GRM8: variants seen among roughly 807,000 people sequenced by gnomAD.
GRM8 encodes the protein metabotropic glutamate receptor 8.
In GRM8, 47 loss-of-function variants were observed where a neutral mutation model predicts 87.2. The ratio of observed to expected loss-of-function variants is 0.54; its 90% CI spans 0.43 to 0.69. The LOEUF (loss-of-function observed/expected upper bound fraction) is 0.69, where lower values mean the gene tolerates loss of function less well. Ranked by LOEUF, GRM8 falls within the 30% of genes least tolerant of loss-of-function variation. The probability of loss-of-function intolerance (pLI) is 0.00; values close to 1 mark genes in which losing one functional copy is unlikely to be tolerated. For missense variants in GRM8, 1,019 were observed against 1,139.2 expected (o/e 0.89, Z 1.52); for synonymous variants, 396 against 404.5 (o/e 0.98, Z 0.25).
chr7:127,129,450 C>G (rs991485325), intron 2 of GRM8, among the ~76,000 whole-genome samples: 1 of 152,150 alleles, frequency 6.6e-6, no homozygotes, highest in Admixed American at 6.6e-5. Context: ...TTATTATATA[C>G]TGAAAATATA....
At chr7:126,635,914 A>T (rs1490689348) in intron 7 of GRM8, among the ~76,000 whole-genome samples, 1 of 152,086 alleles carries the variant, frequency 6.6e-6, no homozygotes, top group East Asian at 1.9e-4. Context: ...AAGCATTTAC[A>T]CATCATAAAT....
intron 6 of GRM8, among the ~76,000 whole-genome samples, chr7:126,832,701 C>T (rs1341258109): frequency 6.6e-6 from 1 of 152,134 alleles, no homozygotes; most frequent in African/African-American, 2.4e-5. Flanking sequence ...ACATGACTAT[C>T]CTTCTCAACA....
Position 126,722,751 on chromosome 7 carries a change from C to T in GRM8, c.1357+47114G>A, listed in dbSNP as rs117530903. Among the ~76,000 whole-genome samples the T allele has an allele frequency of 7.4e-3, 1,127 of 151,792 alleles. 8 individuals carry two copies. Among genetic ancestry groups the T allele is most frequent in the Non-Finnish European group, 0.013 (867 of 67,950 alleles). ...ACGTATCACAATAATAATTGTGGGT[C>T]ATTTCTATCACAGCACTGTCACATT... On this transcript the variant is annotated intron_variant, in intron 7 of 10. Transcript: ENST00000339582.
At chr7:126,737,527 T>C (rs1814372460) in intron 7 of GRM8, among the ~76,000 whole-genome samples, 1 of 151,870 alleles carries the variant, frequency 6.6e-6, no homozygotes, top group Non-Finnish European at 1.5e-5. Flanking sequence ...CTATCGTAAT[T>C]CCCCCGTCTT....
intron 8 of GRM8, among the ~76,000 whole-genome samples, chr7:126,581,467 C>T (rs1394693506): frequency 6.6e-6 from 1 of 152,058 alleles, no homozygotes; most frequent in African/African-American, 2.4e-5. Flanking sequence ...GTGAGAAGAA[C>T]TCTCAGGAGT....
At chr7:126,556,878 T>C (rs886973050) in intron 8 of GRM8, among the ~76,000 whole-genome samples, 3 of 152,196 alleles carry the variant, frequency 2.0e-5, no homozygotes, top group African/African-American at 7.2e-5. Context: ...CAGATATAAA[T>C]GAAAGACTTA....
chr7:127,227,158 G>A (rs1033983606), intron 2 of GRM8, among the ~76,000 whole-genome samples: 3 of 152,186 alleles, frequency 2.0e-5, no homozygotes, highest in African/African-American at 7.2e-5. Flanking sequence ...TGTAGTGATG[G>A]GAGAAAACTC....
In GRM8 at chr7:126,687,174, C is replaced by T. The variant is rs140684324; in HGVS notation, c.1358-77676G>A. ...CTCCCCACCACACATGTATGTGCCC[C>T]GCTATACCAGCTCCCAACCACAAAT... On this transcript the variant is annotated intron_variant, in intron 7 of 10. Coordinates refer to ENST00000339582, the MANE Select transcript of GRM8 (RefSeq NM_000845.3). Among the ~76,000 whole-genome samples, 689 of 152,322 alleles carry T rather than the reference C, an allele frequency of 4.5e-3. 3 individuals carry two copies. The highest frequency in any genetic ancestry group is 0.031 in the Middle Eastern group (9 of 294).
intron 8 of GRM8, among the ~76,000 whole-genome samples, chr7:126,571,544 A>G (rs1222797355): frequency 6.6e-6 from 1 of 152,120 alleles, no homozygotes; most frequent in African/African-American, 2.4e-5. Context: ...GGGAATAGTA[A>G]GATTTCTAGT....
chr7:126,614,174 C>T (rs374056052), intron 7 of GRM8, among the ~76,000 whole-genome samples: 33 of 152,232 alleles, frequency 2.2e-4, no homozygotes, highest in East Asian at 1.4e-3. Flanking sequence ...CCTTCTGAGA[C>T]GAAACTTCCA....
At chr7:126,569,126 C>T (rs1794483516) in intron 8 of GRM8, among the ~76,000 whole-genome samples, 2 of 152,092 alleles carry the variant, frequency 1.3e-5, no homozygotes, top group Admixed American at 1.3e-4. Flanking sequence ...CAAAGTTTAG[C>T]TGCTCCAATG....
chr7:126,603,698 C>G (rs535781189), intron 8 of GRM8, among the ~76,000 whole-genome samples: 92 of 152,002 alleles, frequency 6.1e-4, no homozygotes, highest in Non-Finnish European at 1.0e-3. Flanking sequence ...TCATATAATA[C>G]TTATTTCATA....
At chr7:126,838,969 G>A (rs187078825) in intron 6 of GRM8, among the ~76,000 whole-genome samples, 10 of 152,256 alleles carry the variant, frequency 6.6e-5, no homozygotes, top group Admixed American at 4.6e-4. Flanking sequence ...TCTGAAGAAC[G>A]GCATTTGGTA....
intron 1 of GRM8, among the ~76,000 whole-genome samples, chr7:127,251,593 G>A (rs1055949040): frequency 1.3e-5 from 2 of 151,962 alleles, no homozygotes; most frequent in African/African-American, 4.8e-5. Flanking sequence ...AGAGACTGGG[G>A]CCGTGGGGAG....
rs1054935394 is a variant in GRM8 at position 127,166,512 on chromosome 7, C to G, written c.511-59800G>C. Among the ~76,000 whole-genome samples the G allele has an allele frequency of 1.4e-4, 21 of 152,272 alleles. No homozygotes were observed. The East Asian group carries it at 4.0e-3, about 29-fold the overall frequency. On this transcript the variant is annotated intron_variant, in intron 2 of 10. Transcript: ENST00000339582. Reference sequence around the variant, plus strand: ...GGTTTTCAGCTTGTTGCAGGGTCCACATGAGTGCTGGGATGGAGCCATCAA... The same window carrying G: ...GGTTTTCAGCTTGTTGCAGGGTCCAGATGAGTGCTGGGATGGAGCCATCAA...
At chr7:126,882,327 T>G (rs1487451912) in intron 6 of GRM8, among the ~76,000 whole-genome samples, 2 of 152,280 alleles carry the variant, frequency 1.3e-5, no homozygotes, top group African/African-American at 4.8e-5. Flanking sequence ...GCTCTGTCTC[T>G]AATTCAACCT....
At chr7:126,458,038 G>T (rs1776216344) in intron 9 of GRM8, among the ~76,000 whole-genome samples, 1 of 145,268 alleles carries the variant, frequency 6.9e-6, no homozygotes, top group Non-Finnish European at 1.5e-5. Context: ...AAAAAATAAA[G>T]TGTATGTTTA....
intron 8 of GRM8, among the ~76,000 whole-genome samples, chr7:126,580,534 T>A (rs1159463173): frequency 6.6e-6 from 1 of 152,152 alleles, no homozygotes; most frequent in South Asian, 2.1e-4. Flanking sequence ...TGGTCTCCCA[T>A]ATCCAATCAG....
intron 6 of GRM8, chr7:126,869,859 GC>G (rs561398597): frequency 2.1e-5 from 3 of 141,688 alleles, no homozygotes; most frequent in African/African-American, 7.9e-5. Flanking sequence ...GTCACAAGCC[GC>G]ATTAGCCCCT....
Sources: allele counts gnomAD v4.1 joint callset (sites outside exome capture counted in the v4.1 genomes callset), GRCh38; gene constraint gnomAD v4.1.1; transcripts MANE v1.5; gene names NCBI Gene and HGNC (gene_info 2026-07-23, HGNC 2026-07-21).